PLOD2: variants seen among roughly 807,000 people sequenced by gnomAD.
The protein encoded by PLOD2 is lysine hydroxylase 2.
PLOD2 carries 65 observed loss-of-function variants against 101.0 expected under a neutral mutation model. The observed-to-expected ratio is 0.64, with a 90% CI of 0.53 to 0.79. PLOD2 has a LOEUF of 0.79. Among genes scored for constraint, PLOD2 ranks in the 30% least tolerant of loss-of-function variants. The probability of loss-of-function intolerance (pLI) is 0.00; values close to 1 mark genes in which losing one functional copy is unlikely to be tolerated. For missense variants in PLOD2, 909 were observed against 914.6 expected (o/e 0.99, Z 0.08); for synonymous variants, 314 against 302.9 (o/e 1.04, Z -0.38).
intron 3 of PLOD2, among the ~76,000 whole-genome samples, chr3:146,120,856 T>C (rs1003282716): frequency 6.6e-6 from 1 of 151,964 alleles, no homozygotes; most frequent in African/African-American, 2.4e-5. Flanking sequence ...CAAGTAGCTG[T>C]GATTACAGGC....
intron 6 of PLOD2, among the ~76,000 whole-genome samples, chr3:146,103,714 T>C (rs933203860): frequency 3.2e-4 from 48 of 152,254 alleles, no homozygotes; most frequent in African/African-American, 1.1e-3. Flanking sequence ...AAAGTATTTA[T>C]GTGTTAATAA....
rs142554555 is a variant in PLOD2, at chr3:146,088,620, G to C, written c.971C>G (p.Pro324Arg). ...FLDILLTLDY[P>R]KEALKLFIHN... ...AATAAAAAGTTTAAGTGCTTCTTTTGGGTAATCCAGTGTCAACAATATGTC... is the reference window on the plus strand; with the variant it reads ...AATAAAAAGTTTAAGTGCTTCTTTTCGGTAATCCAGTGTCAACAATATGTC... Residue 324 changes from proline to arginine, a missense_variant, in exon 9 of 20, where the codon CCA (proline) becomes CGA (arginine). Pro to Arg is a moderately radical substitution (Grantham distance 103). Coordinates refer to ENST00000282903, the MANE Select transcript of PLOD2 (RefSeq NM_182943.3). 2.9e-5 allele frequency: 46 copies of C among 1,590,168 alleles called. No individual in the cohort carries two copies. The highest frequency in any genetic ancestry group is 2.6e-6 in the Non-Finnish European group (3 of 1,159,108).
At chr3:146,107,364 T>G (rs1465972732) in intron 4 of PLOD2, among the ~76,000 whole-genome samples, 1 of 152,228 alleles carries the variant, frequency 6.6e-6, no homozygotes, top group Non-Finnish European at 1.5e-5. Context: ...TCATTTTTCT[T>G]GTCTGAATCT....
intron 2 of PLOD2, chr3:146,123,319 CTTCT>C (rs1576612484): frequency 8.8e-7 from 1 of 1,134,892 alleles, no homozygotes; most frequent in Non-Finnish European, 1.1e-6. Context: ...CTGACAGATC[CTTCT>C]TTCTATTAAA....
intron 1 of PLOD2, among the ~76,000 whole-genome samples, chr3:146,140,180 T>G (rs573930321): frequency 7.0e-6 from 1 of 143,876 alleles, no homozygotes; most frequent in Non-Finnish European, 1.5e-5. Context: ...AATGTTTCAT[T>G]TGGGGAATTT....
At chr3:146,081,489 C>T (rs554648959) in intron 12 of PLOD2, among the ~76,000 whole-genome samples, 1 of 152,088 alleles carries the variant, frequency 6.6e-6, no homozygotes, top group African/African-American at 2.4e-5. Context: ...GTATGGTAAA[C>T]ATATATTATC....
At chr3:146,078,229 C>T (rs181471951) in intron 13 of PLOD2, among the ~76,000 whole-genome samples, 145 of 151,872 alleles carry the variant, frequency 9.5e-4, no homozygotes, top group Middle Eastern at 6.8e-3. Flanking sequence ...AGAGGCCATT[C>T]CATGATGCGC....
chr3:146,128,915 G>A (rs1328919236), intron 1 of PLOD2, among the ~76,000 whole-genome samples: 14 of 107,324 alleles, frequency 1.3e-4, no homozygotes, highest in Admixed American at 4.0e-4. Context: ...TTTTTGAGAC[G>A]GAGTCTCAGT....
chr3:146,131,260 T>C (rs1413151748), intron 1 of PLOD2, among the ~76,000 whole-genome samples: 2 of 152,242 alleles, frequency 1.3e-5, no homozygotes, highest in African/African-American at 4.8e-5. Flanking sequence ...TTCTCATTGC[T>C]GATTTTGCTT....
At chr3:146,149,405 G>A (rs1207267986) in intron 1 of PLOD2, among the ~76,000 whole-genome samples, 9 of 151,744 alleles carry the variant, frequency 5.9e-5, no homozygotes, top group Non-Finnish European at 1.3e-4. Context: ...TGTGTCTATG[G>A]TTCAAAAGTA....
At chr3:146,099,889 T>C (rs529243751) in intron 7 of PLOD2, among the ~76,000 whole-genome samples, 1 of 151,158 alleles carries the variant, frequency 6.6e-6, no homozygotes, top group East Asian at 2.0e-4. Context: ...ACTTTTTTTT[T>C]TTTTTTTTTT....
rs543561656 is a variant in PLOD2 at position 146,074,728 on chromosome 3, A to G, written c.1678-1376T>C. Among the ~76,000 whole-genome samples, 101 of 151,490 alleles carry G rather than the reference A, an allele frequency of 6.7e-4. 1 individual carries two copies. Among genetic ancestry groups the G allele is most frequent in the African/African-American group, 2.2e-3 (92 of 41,466 alleles). On this transcript the variant is annotated intron_variant, in intron 15 of 19. Transcript: ENST00000282903. ...GTTAAAGTAAAAAAAAAAATCCCCTAAGATTTTATTTTAGGGCATTAGTAT... is the reference window on the plus strand; with the variant it reads ...GTTAAAGTAAAAAAAAAAATCCCCTGAGATTTTATTTTAGGGCATTAGTAT...
At chr3:146,097,460 AT>A (rs1271481389) in intron 7 of PLOD2, among the ~76,000 whole-genome samples, 10 of 114,800 alleles carry the variant, frequency 8.7e-5, no homozygotes, top group Admixed American at 2.7e-4. Flanking sequence ...ACTAAGAAAA[AT>A]TCTTCTGCCT....
chr3:146,125,919 A>T (rs550108854), intron 1 of PLOD2, among the ~76,000 whole-genome samples: 8 of 152,178 alleles, frequency 5.3e-5, no homozygotes, highest in Non-Finnish European at 7.4e-5. Context: ...ATCTGTAATA[A>T]AATTACTCTA....
At chr3:146,129,566 G>C (rs1562700) in intron 1 of PLOD2, among the ~76,000 whole-genome samples, 3,496 of 152,168 alleles carry the variant, frequency 0.023, 63 homozygotes, top group Middle Eastern at 0.054. Flanking sequence ...ATTTCCATGA[G>C]AGTAAAATGA....
At chr3:146,127,432 C>T (rs991793633) in intron 1 of PLOD2, among the ~76,000 whole-genome samples, 17 of 152,022 alleles carry the variant, frequency 1.1e-4, no homozygotes, top group African/African-American at 3.9e-4. Context: ...ACGTGGCATT[C>T]GGTTTTCCAA....
In PLOD2 at chr3:146,069,626, G is replaced by A. The variant is rs1291489580; in HGVS notation, c.*1091C>T. ...CAAGTCAACAAGTATTTTTGTTGGA[G>A]AATTTTTTTATAAGCGGGATAGAGG... is the stretch of plus-strand genomic sequence containing the variant. On this transcript the variant is annotated 3_prime_UTR_variant, in exon 20 of 20. Coordinates refer to ENST00000282903, the MANE Select transcript of PLOD2 (RefSeq NM_182943.3). The A allele has an allele frequency of 6.6e-6, 1 of 151,894 alleles. No homozygotes were observed. The highest frequency in any genetic ancestry group is 1.5e-5 in the Non-Finnish European group (1 of 67,780). 9.4% of individuals were successfully genotyped at this position (151,894 alleles called of 1,614,324 possible).
intron 3 of PLOD2, among the ~76,000 whole-genome samples, chr3:146,117,917 G>A (rs149876947): frequency 1.4e-4 from 21 of 152,058 alleles, no homozygotes; most frequent in Middle Eastern, 3.4e-3. Context: ...TTGTCCACAA[G>A]GACAAATATT....
intron 10 of PLOD2, chr3:146,085,862 C>A (rs1398178036): frequency 6.6e-6 from 1 of 152,556 alleles, no homozygotes; most frequent in Non-Finnish European, 1.5e-5. Flanking sequence ...GGGCTCCCCT[C>A]CCTCACTGTC....
Sources: gnomAD v4.1 joint callset for allele counts (sites outside exome capture counted in the v4.1 genomes callset) on GRCh38, gnomAD v4.1.1 for gene constraint, MANE v1.5 for transcripts, NCBI Gene and HGNC (gene_info 2026-07-23, HGNC 2026-07-21) for gene names.